Variants in AUH observed in about 807,000 individuals in gnomAD.
AUH encodes methylglutaconyl-CoA hydratase, mitochondrial.
AUH carries 29 observed loss-of-function variants against 42.3 expected under a neutral mutation model. The observed-to-expected ratio is 0.69, with a 90% CI of 0.51 to 0.93. The LOEUF is 0.93. Ranked by LOEUF, AUH falls within the 40% of genes least tolerant of loss-of-function variation. The probability of loss-of-function intolerance (pLI) is 0.00; values close to 1 mark genes in which losing one functional copy is unlikely to be tolerated. For missense variants in AUH, 452 were observed against 438.1 expected (o/e 1.03, Z -0.28); for synonymous variants, 174 against 166.4 (o/e 1.05, Z -0.35).
intron 4 of AUH, among the ~76,000 whole-genome samples, chr9:91,302,305 T>C (rs1463351707): frequency 6.6e-6 from 1 of 151,798 alleles, no homozygotes; most frequent in Non-Finnish European, 1.5e-5. Context: ...CCATCTCTAC[T>C]AAAAATACAA....
intron 4 of AUH, among the ~76,000 whole-genome samples, chr9:91,325,016 G>T (rs1454786128): frequency 6.6e-6 from 1 of 152,002 alleles, no homozygotes; most frequent in East Asian, 1.9e-4. Flanking sequence ...AATCCCAAAC[G>T]TATGTTTGCA....
chr9:91,342,058 A>G (rs10991893), intron 3 of AUH, among the ~76,000 whole-genome samples: 12,657 of 152,242 alleles, frequency 0.083, 859 homozygotes, highest in East Asian at 0.27. Flanking sequence ...CACACTTGGT[A>G]TCAGTTTCCT....
At chr9:91,339,077 T>A (rs1002982823) in intron 3 of AUH, among the ~76,000 whole-genome samples, 1 of 152,174 alleles carries the variant, frequency 6.6e-6, no homozygotes, top group Non-Finnish European at 1.5e-5. Flanking sequence ...TCACACAATA[T>A]GTTTAGTATT....
At chr9:91,320,155 T>A (rs531468247) in intron 4 of AUH, among the ~76,000 whole-genome samples, 9 of 152,352 alleles carry the variant, frequency 5.9e-5, no homozygotes, top group South Asian at 2.1e-4. Context: ...TCATTCAGTT[T>A]TAGTATTCTT....
chr9:91,262,361 G>A (rs537536268), intron 6 of AUH, among the ~76,000 whole-genome samples: 1 of 152,164 alleles, frequency 6.6e-6, no homozygotes, highest in Admixed American at 6.5e-5. Context: ...GGTTATCTGA[G>A]GATGACAGGA....
Position 91,330,910 on chromosome 9 carries a change from T to C in AUH, c.419-5506A>G, listed in dbSNP as rs114687567. On this transcript the variant is annotated intron_variant, in intron 3 of 9. Coordinates refer to ENST00000375731, the MANE Select transcript of AUH (RefSeq NM_001698.3). ...CTTTTGGGTGGGAGATGGGTAATGA[T>C]AAGGAAGGGACATGTGGGACGACTG... 1.9e-3 allele frequency among the ~76,000 whole-genome samples: 289 copies of C among 152,334 alleles called. 1 individual carries two copies. Among genetic ancestry groups the C allele is most frequent in the African/African-American group, 6.5e-3 (270 of 41,580 alleles).
chr9:91,249,879 G>A (rs1428425245), intron 6 of AUH, among the ~76,000 whole-genome samples: 1 of 152,052 alleles, frequency 6.6e-6, no homozygotes, highest in Admixed American at 6.6e-5. Context: ...GGGCACGGTG[G>A]TGCGTGCCTG....
chr9:91,227,031 G>A (rs1219991065), intron 6 of AUH, among the ~76,000 whole-genome samples: 13 of 152,056 alleles, frequency 8.5e-5, no homozygotes, highest in Non-Finnish European at 1.5e-4. Flanking sequence ...ACTTGGCAAT[G>A]CGGGCTCTTT....
intron 6 of AUH, among the ~76,000 whole-genome samples, chr9:91,266,457 C>G (rs1444388397): frequency 2.6e-5 from 4 of 152,100 alleles, no homozygotes; most frequent in Non-Finnish European, 1.5e-5. Context: ...AATGAAAGGT[C>G]ATGTACTTGA....
chr9:91,310,949 G>A (rs1828657365), intron 4 of AUH, among the ~76,000 whole-genome samples: 2 of 152,154 alleles, frequency 1.3e-5, no homozygotes, highest in Non-Finnish European at 2.9e-5. Context: ...GACTTGTTTT[G>A]CATTACTTTG....
chr9:91,228,718 G>A, intron 6 of AUH, among the ~76,000 whole-genome samples: 1 of 151,154 alleles, frequency 6.6e-6, no homozygotes, highest in South Asian at 2.1e-4. Flanking sequence ...TCTACACACT[G>A]CTTTGAATGT....
intron 4 of AUH, among the ~76,000 whole-genome samples, chr9:91,324,557 A>G (rs1437188061): frequency 6.6e-6 from 1 of 151,196 alleles, no homozygotes; most frequent in Non-Finnish European, 1.5e-5. Flanking sequence ...TAAAAAAAAA[A>G]AAAGAAAGCC....
At chr9:91,333,905 G>A (rs1477920952) in intron 3 of AUH, among the ~76,000 whole-genome samples, 3 of 152,034 alleles carry the variant, frequency 2.0e-5, no homozygotes, top group Admixed American at 1.3e-4. Flanking sequence ...TCCCCTCCCT[G>A]TAGCAACAAA....
intron 6 of AUH, among the ~76,000 whole-genome samples, chr9:91,286,417 C>CT: frequency 1.3e-5 from 2 of 152,206 alleles, no homozygotes; most frequent in South Asian, 4.1e-4. Flanking sequence ...TTCCTTCTTC[C>CT]TTTCTTTTTA....
At chr9:91,228,454 A>G (rs1450171324) in intron 6 of AUH, among the ~76,000 whole-genome samples, 2 of 145,300 alleles carry the variant, frequency 1.4e-5, no homozygotes, top group Non-Finnish European at 3.0e-5. Context: ...TTTTTTCTTT[A>G]TTAGTCTTGC....
intron 3 of AUH, among the ~76,000 whole-genome samples, chr9:91,350,380 G>C (rs1831871904): frequency 6.6e-6 from 1 of 152,176 alleles, no homozygotes; most frequent in South Asian, 2.1e-4. Context: ...CTTTAACCAG[G>C]TCTTTCACTT....
intron 4 of AUH, among the ~76,000 whole-genome samples, chr9:91,321,460 T>C (rs1829564669): frequency 6.6e-6 from 1 of 152,178 alleles, no homozygotes; most frequent in South Asian, 2.1e-4. Flanking sequence ...AGATGCAATA[T>C]TTTAAACTCC....
chr9:91,288,881 C>A (rs1228151451), intron 6 of AUH, among the ~76,000 whole-genome samples: 1 of 152,148 alleles, frequency 6.6e-6, no homozygotes, highest in Non-Finnish European at 1.5e-5. Flanking sequence ...ATATTACCAT[C>A]TCTTCAAAGT....
At chr9:91,313,457 G>T (rs1025368444) in intron 4 of AUH, among the ~76,000 whole-genome samples, 1 of 152,082 alleles carries the variant, frequency 6.6e-6, no homozygotes, top group African/African-American at 2.4e-5. Flanking sequence ...TGTAATCCCA[G>T]CACTTTGGGA....
Sources: allele counts gnomAD v4.1 joint callset (sites outside exome capture counted in the v4.1 genomes callset), GRCh38; gene constraint gnomAD v4.1.1; transcripts MANE v1.5; gene names NCBI Gene and HGNC (gene_info 2026-07-23, HGNC 2026-07-21).